COPA: variants seen among roughly 807,000 people sequenced by gnomAD.
COPA encodes the protein coat protein complex I subunit alpha.
A neutral mutation model predicts 158.7 loss-of-function variants in COPA; 10 were observed. The observed-to-expected ratio is 0.06, with a 90% CI of 0.04 to 0.11. The LOEUF (loss-of-function observed/expected upper bound fraction) is 0.11, where lower values mean the gene tolerates loss of function less well. Ranked by LOEUF, COPA falls within the 10% of genes least tolerant of loss-of-function variation. The probability of loss-of-function intolerance (pLI) is 1.00; values close to 1 mark genes in which losing one functional copy is unlikely to be tolerated. For synonymous variants in COPA, 462 were observed against 542.8 expected (o/e 0.85, Z 2.07); for missense variants, 1,065 against 1,536.7 (o/e 0.69, Z 5.13).
chr1:160,305,745 C>T lies in COPA; in HGVS notation c.1471G>A (p.Val491Met). ...RTLASVKISK[V>M]KYVIWSADMS... ...TCTGCTGACCAGATAACGTATTTCA[C>T]TTTAGAAATCTTCACAGATGCCAGA... Residue 491 changes from valine (V) to methionine (M), a missense_variant, in exon 16 of 33, where the codon GTG becomes ATG. This residue lies in a region of COPA where 980 missense variants were observed against 1,357.8 expected (regional missense o/e 0.72). Transcript: ENST00000241704. 1.2e-6 allele frequency: 2 copies of T among 1,614,126 alleles called. No homozygotes were observed. Among genetic ancestry groups the T allele is most frequent in the Non-Finnish European group, 1.7e-6 (2 of 1,180,024 alleles).
chr1:160,300,014 A>G (rs1380209180), intron 17 of COPA, among the ~76,000 whole-genome samples: 1 of 152,194 alleles, frequency 6.6e-6, no homozygotes, highest in African/African-American at 2.4e-5. Flanking sequence ...ATATCACTAC[A>G]GATCTTGCAG....
rs747283795 is a variant in COPA at position 160,339,996 on chromosome 1, C to T, written c.155-14G>A. ...CTCGCACTGGACCTGGTGGAGAAGG[C>T]AGGCAATGTATGTTAGACAGAGCTA... is the stretch of plus-strand genomic sequence containing the variant. On this transcript the variant is annotated splice_polypyrimidine_tract_variant and intron_variant, in intron 2 of 32. Coordinates refer to ENST00000241704, the MANE Select transcript of COPA (RefSeq NM_004371.4). The T allele has an allele frequency of 3.1e-6, 5 of 1,613,702 alleles. No homozygotes were observed. The Admixed American group carries it at 8.3e-5, about 27-fold the overall frequency.
At chr1:160,292,243 A>G in intron 28 of COPA, 45 bp from the exon 29 acceptor site, 3 of 1,584,892 alleles carry the variant, frequency 1.9e-6, no homozygotes, top group Non-Finnish European at 2.6e-6. Context: ...TCAGTAGGCA[A>G]CTAGGACCCA....
At chr1:160,336,070 G>A (rs993295774) in intron 3 of COPA, among the ~76,000 whole-genome samples, 3 of 151,714 alleles carry the variant, frequency 2.0e-5, no homozygotes, top group African/African-American at 7.3e-5. Flanking sequence ...GACAGGCTGG[G>A]CACGATGGCT....
intron 8 of COPA, among the ~76,000 whole-genome samples, chr1:160,322,639 A>T (rs1557871510): frequency 6.6e-6 from 1 of 152,200 alleles, no homozygotes; most frequent in Non-Finnish European, 1.5e-5. Flanking sequence ...CCACAATGAG[A>T]TATCATTTCA....
chr1:160,295,027 G>A (rs919286278), intron 23 of COPA, among the ~76,000 whole-genome samples, 170 bp from the exon 24 acceptor site: 2 of 152,158 alleles, frequency 1.3e-5, no homozygotes. Context: ...ATGCTAACTT[G>A]CAGTAGCTTT....
intron 17 of COPA, among the ~76,000 whole-genome samples, chr1:160,300,075 C>T (rs1423819121): frequency 1.3e-5 from 2 of 152,076 alleles, no homozygotes; most frequent in East Asian, 3.9e-4. Flanking sequence ...TACAGTGGCT[C>T]ACATCTATAA....
At position 160,313,117 on chromosome 1, in the gene COPA, G is replaced by A. The variant is rs1203788881; in HGVS notation, c.893C>T (p.Ala298Val). 1.2e-6 allele frequency: 2 copies of A among 1,614,158 alleles called. No individual in the cohort carries two copies. The highest frequency in any genetic ancestry group is 1.7e-6 in the Non-Finnish European group (2 of 1,180,030). ...AAAGAGGTTAAGGTTAGGGTGAGCA[G>A]CTAGGACCCAGAAACGATCATGGTC... Reference protein sequence around the residue: ...RRDHDRFWVLAAHPNLNLFAA... With the variant: ...RRDHDRFWVLVAHPNLNLFAA... Residue 298 changes from alanine (A) to valine (V), a missense_variant, in exon 10 of 33, where the codon GCT becomes GTT. Physicochemically the swap from Ala to Val is moderately conservative, Grantham distance 64 (BLOSUM62 0). Around this residue, in one of 2 missense-constraint regions of COPA, gnomAD observed 980 missense variants for 1,357.8 expected, o/e 0.72. Transcript: ENST00000241704.
intron 3 of COPA, among the ~76,000 whole-genome samples, chr1:160,339,037 C>T (rs558320629): frequency 2.2e-4 from 31 of 141,530 alleles, no homozygotes; most frequent in Admixed American, 1.0e-3. Context: ...CTATCTCCTC[C>T]TGATTTTCCT....
chr1:160,307,322 G>T, intron 13 of COPA, 77 bp from the exon 14 acceptor site: 1 of 1,364,342 alleles, frequency 7.3e-7, no homozygotes, highest in Non-Finnish European at 1.0e-6. Flanking sequence ...CCATGGAGCT[G>T]CCAGTCTTGC....
intron 17 of COPA, among the ~76,000 whole-genome samples, chr1:160,304,038 C>G (rs1412288998): frequency 1.3e-5 from 2 of 151,510 alleles, no homozygotes; most frequent in African/African-American, 4.9e-5. Flanking sequence ...TTTTTTGAGA[C>G]AGAGTTTCGC....
chr1:160,319,173 G>GA (rs1427143641), intron 8 of COPA, among the ~76,000 whole-genome samples: 2 of 152,054 alleles, frequency 1.3e-5, no homozygotes, highest in Non-Finnish European at 2.9e-5. Flanking sequence ...CACATAGACT[G>GA]AAAACGAAGG....
chr1:160,297,832 G>T, intron 19 of COPA, 87 bp from the exon 20 acceptor site: 1 of 1,373,556 alleles, frequency 7.3e-7, no homozygotes, highest in Non-Finnish European at 9.9e-7. Context: ...CATCTATATA[G>T]ATTTCCTGAA....
At chr1:160,310,058 A>C (rs1020566937) in intron 12 of COPA, 134 bp downstream of exon 12, 2 of 510,272 alleles carry the variant, frequency 3.9e-6, no homozygotes, top group Non-Finnish European at 7.0e-6. Flanking sequence ...TGAGTCTCTG[A>C]GTGATCACTG....
chr1:160,330,197 C>A (rs998107705), intron 6 of COPA, among the ~76,000 whole-genome samples: 2 of 151,868 alleles, frequency 1.3e-5, no homozygotes, highest in African/African-American at 4.8e-5. Context: ...GCTCCTATAT[C>A]CTGAGACAGA....
At chr1:160,299,436 A>G (rs1318259726) in intron 17 of COPA, among the ~76,000 whole-genome samples, 172 bp from the exon 18 acceptor site, 3 of 152,336 alleles carry the variant, frequency 2.0e-5, no homozygotes, top group Admixed American at 6.5e-5. Flanking sequence ...TATTCTTTCT[A>G]CGATGGGGTA....
intron 12 of COPA, 47 bp downstream of exon 12, chr1:160,310,145 C>G: frequency 8.2e-7 from 1 of 1,213,782 alleles, no homozygotes; most frequent in Non-Finnish European, 1.1e-6. Context: ...AAGAAAGAGA[C>G]CTATGGAAAA....
At chr1:160,324,456 A>G (rs1659429257) in intron 7 of COPA, among the ~76,000 whole-genome samples, 2 of 117,476 alleles carry the variant, frequency 1.7e-5, no homozygotes, top group African/African-American at 8.2e-5. Context: ...ACGCCCAGCT[A>G]ATTTTTTTTT....
intron 6 of COPA, among the ~76,000 whole-genome samples, chr1:160,329,532 C>T (rs1647405802): frequency 6.6e-6 from 1 of 152,044 alleles, no homozygotes; most frequent in Non-Finnish European, 1.5e-5. Context: ...AATCCAACCA[C>T]CTGACTGCCC....
Sources: allele counts gnomAD v4.1 joint callset (sites outside exome capture counted in the v4.1 genomes callset), GRCh38; gene constraint gnomAD v4.1.1; regional missense constraint gnomAD v4.1.1; transcripts MANE v1.5; gene names NCBI Gene and HGNC (gene_info 2026-07-23, HGNC 2026-07-21).